Variants in CCNY observed in about 807,000 individuals in gnomAD.
CCNY encodes the protein cyclin Y, also known as cyclin-Y.
A neutral mutation model predicts 42.8 loss-of-function variants in CCNY; 19 were observed. That is an observed-to-expected ratio of 0.44 (90% CI 0.31 to 0.65). The LOEUF is 0.65. CCNY is among the 30% of genes least tolerant of loss of function. The probability of loss-of-function intolerance (pLI) is 0.07; values close to 1 mark genes in which losing one functional copy is unlikely to be tolerated. For synonymous variants in CCNY, 165 were observed against 162.7 expected (o/e 1.01, Z -0.11); for missense variants, 370 against 437.3 (o/e 0.85, Z 1.37).
chr10:35,523,757 C>T (rs1156369664), intron 4 of CCNY, among the ~76,000 whole-genome samples: 1 of 152,038 alleles, frequency 6.6e-6, no homozygotes, highest in Non-Finnish European at 1.5e-5. Context: ...CTTTTATATA[C>T]TTTTTTTATT....
intron 2 of CCNY, among the ~76,000 whole-genome samples, chr10:35,493,558 A>G (rs1465511748): frequency 6.6e-6 from 1 of 152,204 alleles, no homozygotes; most frequent in Non-Finnish European, 1.5e-5. Context: ...GCTGAATTTC[A>G]GGATAATCTG....
chr10:35,270,367 A>G (rs1835148364), intron 3 of CCNY, among the ~76,000 whole-genome samples: 1 of 152,138 alleles, frequency 6.6e-6, no homozygotes, highest in African/African-American at 2.4e-5. Context: ...GGACAAAAAC[A>G]TTCAAATCTA....
chr10:35,442,441 A>G (rs540608165), intron 1 of CCNY, among the ~76,000 whole-genome samples: 9 of 152,352 alleles, frequency 5.9e-5, no homozygotes, highest in African/African-American at 2.2e-4. Flanking sequence ...TAGTGAAATA[A>G]TGAGACCGGA....
At chr10:35,291,880 A>G (rs1835418005) in intron 3 of CCNY, among the ~76,000 whole-genome samples, 1 of 152,200 alleles carries the variant, frequency 6.6e-6, no homozygotes, top group Non-Finnish European at 1.5e-5. Context: ...TCTCTTGGGC[A>G]TATATCTAGG....
At chr10:35,405,431 C>T (rs1338350266) in intron 1 of CCNY, among the ~76,000 whole-genome samples, 1 of 152,052 alleles carries the variant, frequency 6.6e-6, no homozygotes, top group South Asian at 2.1e-4. Context: ...CAGTGAGGTA[C>T]AGCTGTAGCC....
intron 1 of CCNY, among the ~76,000 whole-genome samples, chr10:35,447,662 A>G (rs1230102246): frequency 2.0e-5 from 3 of 152,206 alleles, no homozygotes; most frequent in Non-Finnish European, 4.4e-5. Context: ...TGAAATATTT[A>G]TAAGTAATAA....
intron 5 of CCNY, among the ~76,000 whole-genome samples, chr10:35,527,634 G>A (rs1239397658): frequency 6.6e-6 from 1 of 152,196 alleles, no homozygotes; most frequent in Non-Finnish European, 1.5e-5. Context: ...CTACCACTCA[G>A]ACCATTAATC....
chr10:35,486,180 G>A (rs1327419046), intron 2 of CCNY, among the ~76,000 whole-genome samples: 1 of 152,136 alleles, frequency 6.6e-6, no homozygotes, highest in Non-Finnish European at 1.5e-5. Flanking sequence ...TTGGATTTTC[G>A]TAGACTCTCC....
intron 1 of CCNY, among the ~76,000 whole-genome samples, chr10:35,475,007 C>G (rs1480745048): frequency 6.6e-6 from 1 of 151,994 alleles, no homozygotes; most frequent in African/African-American, 2.4e-5. Flanking sequence ...AATGCAGAAG[C>G]CTCAGGAGCT....
chr10:35,361,963 CT>C (rs1308493547), intron 1 of CCNY, among the ~76,000 whole-genome samples: 1 of 152,214 alleles, frequency 6.6e-6, no homozygotes, highest in East Asian at 1.9e-4. Flanking sequence ...ACACCTGACA[CT>C]TTTGCTTTCT....
intron 7 of CCNY, among the ~76,000 whole-genome samples, chr10:35,549,109 C>T: frequency 6.8e-6 from 1 of 146,176 alleles, no homozygotes; most frequent in Non-Finnish European, 1.5e-5. Context: ...CCCCACCCCC[C>T]CCCGCCCCTC....
At chr10:35,540,057 A>G (rs537541309) in intron 7 of CCNY, among the ~76,000 whole-genome samples, 1 of 152,238 alleles carries the variant, frequency 6.6e-6, no homozygotes, top group East Asian at 1.9e-4. Context: ...GATGCCTTTT[A>G]TTTGGTTTTC....
chr10:35,407,419 A>G (rs1837804090), intron 1 of CCNY, among the ~76,000 whole-genome samples: 1 of 152,080 alleles, frequency 6.6e-6, no homozygotes, highest in Non-Finnish European at 1.5e-5. Context: ...GACAGGAGAG[A>G]AAGAAGAAAG....
At chr10:35,396,769 G>A (rs565894534) in intron 1 of CCNY, among the ~76,000 whole-genome samples, 5 of 152,330 alleles carry the variant, frequency 3.3e-5, no homozygotes, top group African/African-American at 1.2e-4. Context: ...GCTGGGTGCT[G>A]TGTCCCAGTG....
intron 1 of CCNY, among the ~76,000 whole-genome samples, chr10:35,355,266 T>C (rs944870336): frequency 2.6e-5 from 4 of 152,250 alleles, no homozygotes; most frequent in Admixed American, 2.6e-4. Flanking sequence ...TTCTCAAATA[T>C]ATATTTTTAA....
chr10:35,494,645 A>G (rs1024253310), intron 2 of CCNY, among the ~76,000 whole-genome samples: 2 of 152,212 alleles, frequency 1.3e-5, no homozygotes, highest in Admixed American at 1.3e-4. Flanking sequence ...TGGAAATATC[A>G]CAATCTATAG....
chr10:35,531,034 A>T (rs1840753517), intron 7 of CCNY, among the ~76,000 whole-genome samples: 1 of 152,216 alleles, frequency 6.6e-6, no homozygotes, highest in Admixed American at 6.5e-5. Context: ...ATGCCACTGC[A>T]CTCCAGCCCG....
Position 35,453,696 on chromosome 10 carries a change from T to A in CCNY, c.155-29708T>A, listed in dbSNP as rs111397706. Among the ~76,000 whole-genome samples the A allele has an allele frequency of 3.4e-3, 512 of 152,366 alleles. 4 individuals are homozygous for A. Among genetic ancestry groups the A allele is most frequent in the African/African-American group, 0.012 (482 of 41,584 alleles). On this transcript the variant is annotated intron_variant, in intron 1 of 9. Coordinates refer to ENST00000374704, the MANE Select transcript of CCNY (RefSeq NM_145012.6). ...CTTCTTTCAAGTGATTAGAAACTTTTAAGAATCTTAATCAGTAGGTGAAAG... is the reference window on the plus strand; with the variant it reads ...CTTCTTTCAAGTGATTAGAAACTTTAAAGAATCTTAATCAGTAGGTGAAAG...
At chr10:35,438,407 C>T (rs1243043446) in intron 1 of CCNY, among the ~76,000 whole-genome samples, 5 of 152,132 alleles carry the variant, frequency 3.3e-5, no homozygotes, top group African/African-American at 1.2e-4. Flanking sequence ...CCTCCTGCCT[C>T]AGCCTTCCAA....
Sources: allele counts gnomAD v4.1 joint callset (sites outside exome capture counted in the v4.1 genomes callset), GRCh38; gene constraint gnomAD v4.1.1; transcripts MANE v1.5; gene names NCBI Gene and HGNC (gene_info 2026-07-23, HGNC 2026-07-21).